GON4L: variants seen among roughly 807,000 people sequenced by gnomAD.
GON4L encodes the protein GON-4-like protein.
A neutral mutation model predicts 211.8 loss-of-function variants in GON4L; 87 were observed. That is an observed-to-expected ratio of 0.41 (90% confidence interval 0.35 to 0.49). The LOEUF is 0.49. GON4L is among the 20% of genes least tolerant of loss of function. The pLI, the probability that GON4L is intolerant of heterozygous loss-of-function variation, is 0.15. For synonymous variants in GON4L, 875 were observed against 962.6 expected (o/e 0.91, Z 1.68); for missense variants, 2,155 against 2,659.5 (o/e 0.81, Z 4.17).
chr1:155,851,034 C>A (rs185592405), intron 2 of GON4L, among the ~76,000 whole-genome samples: 1 of 98,998 alleles, frequency 1.0e-5, no homozygotes, highest in East Asian at 3.1e-4. Context: ...AGCCTGGCAA[C>A]AGAGCGAGAC....
At position 155,804,968 on chromosome 1, in the gene GON4L, A is replaced by C. The variant is rs1667005342; in HGVS notation, c.1626T>G (p.Asn542Lys). ...DWKMWLGGLMNDDVGNEDEAD... is the reference protein window; with the variant it reads ...DWKMWLGGLMKDDVGNEDEAD... ...ACTTACCTTCATTCCCCACATCATC[A>C]TTCATAAGTCCCCCCAGCCACATCT... The change falls in exon 11 of 32, where the codon AAT becomes AAG. Residue 542 changes from asparagine (N) to lysine (K), a missense_variant. Physicochemically the swap from Asn to Lys is moderately conservative, Grantham distance 94. Around this residue, in one of 6 missense-constraint regions of GON4L, gnomAD observed 551 missense variants for 854.0 expected, o/e 0.65. Coordinates refer to ENST00000368331, the MANE Select transcript of GON4L (RefSeq NM_001282860.2). 1.2e-6 allele frequency: 2 copies of C among 1,613,574 alleles called. No individual in the cohort carries two copies. The highest frequency in any genetic ancestry group is 2.2e-5 in the South Asian group (2 of 91,074).
At chr1:155,747,973 CGAG>C (rs746174946), downstream of GON4L, 3 of 1,576,864 alleles carry the variant, frequency 1.9e-6, no homozygotes, top group Admixed American at 5.5e-5. Context: ...TTTTTCTTTA[CGAG>C]GAGGCCCAGA....
intron 2 of GON4L, 78 bp downstream of exon 2, chr1:155,853,198 C>G (rs1276596742): frequency 1.7e-6 from 2 of 1,173,032 alleles, no homozygotes; most frequent in African/African-American, 1.5e-5. Context: ...AGAAATACTA[C>G]TCTGTAAAGG....
At chr1:155,841,242 T>C (rs116406504) in intron 2 of GON4L, among the ~76,000 whole-genome samples, 3,536 of 152,310 alleles carry the variant, frequency 0.023, 132 homozygotes, top group African/African-American at 0.081. Context: ...GCTAATTCTT[T>C]ATGTGTTGTT....
chr1:155,826,227 G>A (rs2102296294), intron 3 of GON4L, among the ~76,000 whole-genome samples: 1 of 151,420 alleles, frequency 6.6e-6, no homozygotes, highest in African/African-American at 2.4e-5. Context: ...AAAAAAGGCA[G>A]TTATAAAATG....
intron 12 of GON4L, among the ~76,000 whole-genome samples, chr1:155,786,411 T>G (rs1426281047): frequency 6.6e-6 from 1 of 151,918 alleles, no homozygotes; most frequent in Non-Finnish European, 1.5e-5. Flanking sequence ...ACACCTGCAG[T>G]CCCAGCTACT....
intron 17 of GON4L, chr1:155,774,710 T>C (rs983174206): frequency 1.2e-5 from 6 of 498,842 alleles, no homozygotes; most frequent in African/African-American, 1.2e-4. Flanking sequence ...TGACTCCTAA[T>C]ACTTACCCCT....
In GON4L at chr1:155,762,225, T is replaced by A; in HGVS notation, c.4876A>T (p.Lys1626Ter). 6.2e-7 allele frequency: 1 copy of A among 1,610,510 alleles called. No homozygotes were observed. The highest frequency in any genetic ancestry group is 8.5e-7 in the Non-Finnish European group (1 of 1,178,452). ...ILERDPLREQ[K>*]DLAFAQAYLT... ...TAAGCTTGGGCAAAGGCCAAGTCCT[T>A]CTGCTCCCTGAGTGGATCTCGCTCG... The change falls in exon 23 of 32, where the codon AAG becomes TAG. Residue 1626 changes from lysine (K) to a stop codon, truncating the protein, a stop_gained. Coordinates refer to ENST00000368331, the MANE Select transcript of GON4L (RefSeq NM_001282860.2). LOFTEE classifies it high-confidence loss of function.
chr1:155,762,434 C>G, intron 22 of GON4L, 60 bp from the exon 23 acceptor site: 1 of 1,377,528 alleles, frequency 7.3e-7, no homozygotes. Context: ...TCTTCCCATT[C>G]CACCACATGC....
At chr1:155,811,754 C>CAAAAAAA (rs145360103) in intron 10 of GON4L, among the ~76,000 whole-genome samples, 1,166 of 33,040 alleles carry the variant, frequency 0.035, 179 homozygotes, top group East Asian at 0.17. Flanking sequence ...GACTCTGTCT[C>CAAAAAAA]AAAAAAAAAA....
intron 3 of GON4L, among the ~76,000 whole-genome samples, chr1:155,826,098 A>G (rs944320776): frequency 6.6e-6 from 1 of 152,086 alleles, no homozygotes; most frequent in African/African-American, 2.4e-5. Flanking sequence ...TTATAGTCCC[A>G]GCTACTTAGG....
chr1:155,776,551 T>C, intron 15 of GON4L, 70 bp from the exon 16 acceptor site: 1 of 360,242 alleles, frequency 2.8e-6, no homozygotes, highest in Non-Finnish European at 3.7e-6. Flanking sequence ...AGAGAGATCT[T>C]TTTTTTTTTT....
intron 1 of GON4L, 59 bp from the exon 2 acceptor site, chr1:155,853,865 C>G: frequency 9.7e-7 from 1 of 1,034,022 alleles, no homozygotes; most frequent in East Asian, 2.5e-5. Flanking sequence ...AACATTTACT[C>G]AATTATCTTT....
At chr1:155,757,111 C>G (rs999091469) in intron 26 of GON4L, 34 bp from the exon 27 acceptor site, 6 of 1,613,806 alleles carry the variant, frequency 3.7e-6, no homozygotes, top group Non-Finnish European at 4.2e-6. Context: ...AGCACAGACA[C>G]CAGGCCAATA....
chr1:155,782,577 A>T (rs773400598), intron 14 of GON4L, among the ~76,000 whole-genome samples: 1 of 152,208 alleles, frequency 6.6e-6, no homozygotes, highest in Non-Finnish European at 1.5e-5. Flanking sequence ...TCACCATGAG[A>T]TGATATATGA....
chr1:155,754,771 G>A (rs1660998768), intron 27 of GON4L, among the ~76,000 whole-genome samples: 1 of 151,304 alleles, frequency 6.6e-6, no homozygotes, highest in Non-Finnish European at 1.5e-5. Flanking sequence ...CTCTTGATCT[G>A]CCCTCCCTCA....
chr1:155,783,391 T>A (rs530747318), intron 14 of GON4L, among the ~76,000 whole-genome samples: 5 of 152,182 alleles, frequency 3.3e-5, no homozygotes, highest in Non-Finnish European at 7.3e-5. Flanking sequence ...TAGCCATCCA[T>A]CTAATGACTA....
intron 10 of GON4L, among the ~76,000 whole-genome samples, chr1:155,812,758 T>C (rs1248774724): frequency 6.6e-6 from 1 of 152,108 alleles, no homozygotes; most frequent in Admixed American, 6.6e-5. Flanking sequence ...GGTTTCACCA[T>C]GTTGGCCAGG....
chr1:155,845,716 C>A (rs1386214886), intron 2 of GON4L: 8 of 298,230 alleles, frequency 2.7e-5, no homozygotes, highest in Non-Finnish European at 4.7e-5. Context: ...AAAGATACTG[C>A]CGTAACTCAG....
Sources: allele counts gnomAD v4.1 joint callset (sites outside exome capture counted in the v4.1 genomes callset), GRCh38; gene constraint gnomAD v4.1.1; regional missense constraint gnomAD v4.1.1; transcripts MANE v1.5; gene names NCBI Gene and HGNC (gene_info 2026-07-23, HGNC 2026-07-21).